The following OSTF1 variants were observed in gnomAD, a reference collection of about 807,000 sequenced individuals.
The protein encoded by OSTF1 is osteoclast-stimulating factor 1.
In OSTF1, 27 loss-of-function variants were observed where a neutral mutation model predicts 37.2. That is an observed-to-expected ratio of 0.73 (90% CI 0.54 to 1.00). The LOEUF (loss-of-function observed/expected upper bound fraction) is 1.00, where lower values mean the gene tolerates loss of function less well. OSTF1 is among the 50% of genes least tolerant of loss of function. The pLI is 0.00. For synonymous variants in OSTF1, 82 were observed against 89.2 expected (o/e 0.92, Z 0.46); for missense variants, 232 against 253.8 (o/e 0.91, Z 0.58).
chr9:75,139,579 C>T (rs1398493729), intron 8 of OSTF1, among the ~76,000 whole-genome samples: 3 of 152,192 alleles, frequency 2.0e-5, no homozygotes, highest in Admixed American at 1.3e-4. Flanking sequence ...CAGGCATGCG[C>T]CACCACACTT....
chr9:75,140,136 G>A (rs1301283294), intron 8 of OSTF1, among the ~76,000 whole-genome samples: 1 of 152,182 alleles, frequency 6.6e-6, no homozygotes, highest in Non-Finnish European at 1.5e-5. Flanking sequence ...CGTGTAGTAC[G>A]ATTTTGTGTC....
At chr9:75,088,788 C>T in intron 1 of OSTF1, 62 bp downstream of exon 1, 2 of 1,516,434 alleles carry the variant, frequency 1.3e-6, no homozygotes, top group East Asian at 2.4e-5. Flanking sequence ...GGCGCCTCCT[C>T]TGCAGCTTGG....
In OSTF1 at chr9:75,146,696, A is replaced by G. The variant is rs778203380; in HGVS notation, c.600A>G (p.Thr200=). The change falls in exon 10 of 10, where the codon ACA becomes ACG. Residue 200 remains threonine (T), a synonymous_variant. Coordinates refer to ENST00000346234, the MANE Select transcript of OSTF1 (RefSeq NM_012383.5). ...TCTTTCTTTCAGATGCAGTTCGAAC[A>G]TTAAGCAATGCCGAGGACTATCTCG... ...KKKQGTDAVR[T]LSNAEDYLDD... is the part of the protein sequence containing the mutation. 3.1e-6 allele frequency: 5 copies of G among 1,610,484 alleles called. No individual in the cohort carries two copies. The highest frequency in any genetic ancestry group is 4.5e-5 in the East Asian group (2 of 44,644).
intron 1 of OSTF1, among the ~76,000 whole-genome samples, chr9:75,097,404 A>G (rs573762379): frequency 5.3e-5 from 8 of 152,308 alleles, no homozygotes; most frequent in African/African-American, 1.9e-4. Flanking sequence ...TTGGGGCTCT[A>G]AAGTGTAAAC....
chr9:75,137,008 T>C (rs1291468292), intron 7 of OSTF1, among the ~76,000 whole-genome samples: 1 of 152,150 alleles, frequency 6.6e-6, no homozygotes, highest in East Asian at 1.9e-4. Flanking sequence ...GTTTCTGGCC[T>C]TTTGCTACTT....
chr9:75,139,863 A>G (rs1221001308), intron 8 of OSTF1, among the ~76,000 whole-genome samples: 1 of 152,246 alleles, frequency 6.6e-6, no homozygotes, highest in African/African-American at 2.4e-5. Flanking sequence ...AAATGGACTT[A>G]GCCTGACTTT....
chr9:75,111,214 G>A (rs1392188176), intron 1 of OSTF1, among the ~76,000 whole-genome samples: 1 of 152,164 alleles, frequency 6.6e-6, no homozygotes, highest in Non-Finnish European at 1.5e-5. Flanking sequence ...ATTTCACCTA[G>A]TTACCCTTTG....
intron 2 of OSTF1, among the ~76,000 whole-genome samples, chr9:75,120,601 T>C (rs1243095161): frequency 6.6e-6 from 1 of 152,192 alleles, no homozygotes; most frequent in Non-Finnish European, 1.5e-5. Context: ...ACCGACCTCT[T>C]CCTTCCCCTT....
chr9:75,127,529 T>G, intron 2 of OSTF1, 40 bp from the exon 3 acceptor site: 1 of 1,211,432 alleles, frequency 8.3e-7, no homozygotes, highest in Non-Finnish European at 1.2e-6. Flanking sequence ...TTCTAATTCA[T>G]GAAAAATCAC....
In OSTF1 at chr9:75,126,616, C is replaced by T. The variant is rs144498570; in HGVS notation, c.82-953C>T. Among the ~76,000 whole-genome samples, 43 of 152,200 alleles carry T rather than the reference C, an allele frequency of 2.8e-4. No homozygotes were observed. In the East Asian group the frequency reaches 3.5e-3, roughly 12 times the overall value. ...GTTTGTTTTGTTTTGTTTTTTGAGACGGAGTCTCGCTCTGTCACCCAGGCT... is the reference window on the plus strand; with the variant it reads ...GTTTGTTTTGTTTTGTTTTTTGAGATGGAGTCTCGCTCTGTCACCCAGGCT... On this transcript the variant is annotated intron_variant, in intron 2 of 9. Coordinates refer to ENST00000346234, the MANE Select transcript of OSTF1 (RefSeq NM_012383.5).
At position 75,147,044 on chromosome 9, in the gene OSTF1, T is replaced by TTC. The variant is rs1826038527; in HGVS notation, c.*304_*305insCT. ...AAAAACAAATTAGGATTTTTTTTTT[T>TTC]TTTTTTTTTTTAGTTAAAATGCTTT... On this transcript the variant is annotated 3_prime_UTR_variant, in exon 10 of 10. Coordinates refer to ENST00000346234, the MANE Select transcript of OSTF1 (RefSeq NM_012383.5). 5.4e-6 allele frequency: 1 copy of TTC among 184,688 alleles called. No homozygotes were observed. The highest frequency in any genetic ancestry group is 1.1e-5 in the Non-Finnish European group (1 of 91,056). The allele number at this position is 184,688 out of a possible 1,614,324, so 11.4% of individuals were successfully genotyped here.
chr9:75,120,695 G>T (rs1366592418), intron 2 of OSTF1, among the ~76,000 whole-genome samples: 1 of 152,062 alleles, frequency 6.6e-6, no homozygotes. Context: ...AGCTAGATTG[G>T]CATTCCTCAA....
intron 7 of OSTF1, among the ~76,000 whole-genome samples, chr9:75,134,836 G>A (rs367662577): frequency 6.6e-6 from 1 of 152,038 alleles, no homozygotes; most frequent in African/African-American, 2.4e-5. Flanking sequence ...TATTATGGGT[G>A]TCTAAATAGT....
intron 2 of OSTF1, among the ~76,000 whole-genome samples, chr9:75,118,127 C>G (rs894891498): frequency 6.6e-6 from 1 of 152,118 alleles, no homozygotes; most frequent in African/African-American, 2.4e-5. Context: ...GAGTAACAGA[C>G]AAATGAATGT....
intron 1 of OSTF1, among the ~76,000 whole-genome samples, chr9:75,095,100 C>T (rs1036028127): frequency 6.6e-6 from 1 of 152,120 alleles, no homozygotes; most frequent in Middle Eastern, 3.2e-3. Context: ...TAAATAACTA[C>T]ATAGTATTCT....
In OSTF1 at chr9:75,138,072, C is replaced by T. The variant is rs182193748; in HGVS notation, c.487+456C>T. Among the ~76,000 whole-genome samples the T allele has an allele frequency of 1.5e-3, 221 of 152,246 alleles. 2 individuals are homozygous for T. Among genetic ancestry groups the T allele is most frequent in the African/African-American group, 4.7e-3 (196 of 41,536 alleles). On this transcript the variant is annotated intron_variant, in intron 8 of 9. Coordinates refer to ENST00000346234, the MANE Select transcript of OSTF1 (RefSeq NM_012383.5). ...GAGCAGGTGCTAGATGTAAAGTGAA[C>T]GAGAGAGGATATCTTGATCCCCTGT...
chr9:75,092,808 A>G (rs1236826270), intron 1 of OSTF1, among the ~76,000 whole-genome samples: 2 of 152,126 alleles, frequency 1.3e-5, no homozygotes, highest in East Asian at 3.9e-4. Flanking sequence ...ATATGTTTCC[A>G]AAAGGCTATA....
chr9:75,126,089 G>A (rs1465655112), intron 2 of OSTF1, among the ~76,000 whole-genome samples: 1 of 151,940 alleles, frequency 6.6e-6, no homozygotes, highest in African/African-American at 2.4e-5. Flanking sequence ...TTTTGTGTGT[G>A]TTTTTAGTAG....
At chr9:75,094,426 G>T (rs1825036561) in intron 1 of OSTF1, among the ~76,000 whole-genome samples, 4 of 151,686 alleles carry the variant, frequency 2.6e-5, no homozygotes, top group Admixed American at 1.3e-4. Context: ...ACTGTGATTG[G>T]GCTTTTCTTG....
Sources: gnomAD v4.1 joint callset for allele counts (sites outside exome capture counted in the v4.1 genomes callset) on GRCh38, gnomAD v4.1.1 for gene constraint, MANE v1.5 for transcripts, NCBI Gene and HGNC (gene_info 2026-07-23, HGNC 2026-07-21) for gene names.